The following DCC variants were observed in gnomAD, a reference collection of about 807,000 sequenced individuals.
The protein encoded by DCC is DCC netrin 1 receptor, also known as netrin receptor DCC.
DCC carries 58 observed loss-of-function variants against 172.5 expected under a neutral mutation model. The observed-to-expected ratio is 0.34, with a 90% CI of 0.27 to 0.42. The LOEUF (loss-of-function observed/expected upper bound fraction) is 0.42, where lower values mean the gene tolerates loss of function less well. Ranked by LOEUF, DCC falls within the 10% of genes least tolerant of loss-of-function variation. The pLI is 1.00. For missense variants in DCC, 1,740 were observed against 1,791.0 expected (o/e 0.97, Z 0.51); for synonymous variants, 709 against 644.5 (o/e 1.10, Z -1.52).
intron 15 of DCC, among the ~76,000 whole-genome samples, chr18:53,379,291 G>A (rs889525240): frequency 2.6e-5 from 4 of 152,246 alleles, no homozygotes; most frequent in African/African-American, 4.8e-5. Context: ...AGTGGGCCCC[G>A]ACAAGAACTT....
chr18:52,630,789 A>G (rs1204955869), intron 1 of DCC, among the ~76,000 whole-genome samples: 2 of 152,192 alleles, frequency 1.3e-5, no homozygotes, highest in Non-Finnish European at 2.9e-5. Context: ...ACACTTAAAC[A>G]TTACTCCTTT....
chr18:52,935,111 C>T (rs2040362989), intron 5 of DCC, among the ~76,000 whole-genome samples: 1 of 152,048 alleles, frequency 6.6e-6, no homozygotes, highest in African/African-American at 2.4e-5. Flanking sequence ...ACAATGAAGA[C>T]TTATATTATC....
intron 1 of DCC, among the ~76,000 whole-genome samples, chr18:52,366,031 C>G (rs1984833697): frequency 6.6e-6 from 1 of 152,132 alleles, no homozygotes; most frequent in Admixed American, 6.5e-5. Flanking sequence ...CTTCTTACAA[C>G]TCTATATATT....
chr18:52,404,943 G>C (rs1191434773), intron 1 of DCC, among the ~76,000 whole-genome samples: 1 of 151,510 alleles, frequency 6.6e-6, no homozygotes, highest in Admixed American at 6.6e-5. Flanking sequence ...ACAGTTTACT[G>C]AGAATGATGA....
chr18:52,389,259 T>C (rs1390260664), intron 1 of DCC, among the ~76,000 whole-genome samples: 1 of 152,128 alleles, frequency 6.6e-6, no homozygotes, highest in Non-Finnish European at 1.5e-5. Flanking sequence ...AAGTCCTACC[T>C]GCCAAATAAT....
intron 15 of DCC, among the ~76,000 whole-genome samples, chr18:53,371,331 A>G (rs958995129): frequency 6.6e-6 from 1 of 152,000 alleles, no homozygotes; most frequent in African/African-American, 2.4e-5. Context: ...GGGCTAGTTC[A>G]TCTTGTCAGA....
At chr18:52,761,343 T>G (rs1367715596) in intron 2 of DCC, among the ~76,000 whole-genome samples, 1 of 152,188 alleles carries the variant, frequency 6.6e-6, no homozygotes, top group Non-Finnish European at 1.5e-5. Flanking sequence ...AATTCAAGAT[T>G]AGATTTTGGT....
chr18:53,378,718 T>G (rs1907495656), intron 15 of DCC, among the ~76,000 whole-genome samples: 1 of 152,202 alleles, frequency 6.6e-6, no homozygotes, highest in Admixed American at 6.5e-5. Context: ...CCTGATTTTC[T>G]TCCCGGTAAT....
chr18:53,498,391 G>GA (rs1226862575), intron 26 of DCC, among the ~76,000 whole-genome samples: 12 of 152,036 alleles, frequency 7.9e-5, no homozygotes, highest in Non-Finnish European at 1.5e-4. Context: ...TAAGTCATCA[G>GA]AAAAAATATT....
chr18:53,430,941 A>AT (rs1434071749), intron 21 of DCC, among the ~76,000 whole-genome samples: 4 of 152,176 alleles, frequency 2.6e-5, no homozygotes, highest in African/African-American at 7.2e-5. Flanking sequence ...CCAAAAAGGG[A>AT]TAAAAAGAAG....
At position 52,669,348 on chromosome 18, in the gene DCC, A is replaced by G. The variant is rs568586269; in HGVS notation, c.92-82706A>G. Among the ~76,000 whole-genome samples the G allele has an allele frequency of 3.9e-5, 6 of 152,284 alleles. No individual in the cohort carries two copies. The South Asian group carries it at 1.0e-3, about 26-fold the overall frequency. On this transcript the variant is annotated intron_variant, in intron 1 of 28. Coordinates refer to ENST00000442544, the MANE Select transcript of DCC (RefSeq NM_005215.4). ...GCAGGACTCCTAAACCATAATTTCT[A>G]ATCTTGTGGCTAATTTGTTATTCCT...
intron 2 of DCC, among the ~76,000 whole-genome samples, chr18:52,766,922 G>A (rs1205016917): frequency 6.6e-6 from 1 of 151,838 alleles, no homozygotes; most frequent in Non-Finnish European, 1.5e-5. Flanking sequence ...CAATAAGTGA[G>A]GCTTTATGAA....
intron 2 of DCC, among the ~76,000 whole-genome samples, chr18:52,825,439 C>T (rs562117643): frequency 1.3e-5 from 2 of 152,214 alleles, no homozygotes; most frequent in South Asian, 4.1e-4. Flanking sequence ...AAACCTGCAC[C>T]TAACATGTGG....
At chr18:52,939,997 G>A (rs1342118122) in intron 5 of DCC, among the ~76,000 whole-genome samples, 2 of 152,108 alleles carry the variant, frequency 1.3e-5, no homozygotes, top group Non-Finnish European at 2.9e-5. Context: ...CATCATCCAT[G>A]AGCCTCTTAG....
At chr18:52,795,530 A>T (rs1048004100) in intron 2 of DCC, among the ~76,000 whole-genome samples, 1 of 151,878 alleles carries the variant, frequency 6.6e-6, no homozygotes, top group Non-Finnish European at 1.5e-5. Flanking sequence ...GCAGTTTAAA[A>T]ATTTTACCTT....
intron 17 of DCC, among the ~76,000 whole-genome samples, chr18:53,393,153 G>C (rs1026279725): frequency 1.6e-5 from 1 of 62,984 alleles, no homozygotes; most frequent in Admixed American, 1.3e-4. Flanking sequence ...AATATTTCGA[G>C]GATGTTTTTT....
intron 1 of DCC, among the ~76,000 whole-genome samples, chr18:52,481,057 A>G (rs2029938940): frequency 6.6e-6 from 1 of 152,210 alleles, no homozygotes; most frequent in African/African-American, 2.4e-5. Flanking sequence ...TCATCTACTC[A>G]TTTCATATAT....
chr18:52,853,973 T>G (rs2039015268), intron 2 of DCC, among the ~76,000 whole-genome samples: 1 of 152,228 alleles, frequency 6.6e-6, no homozygotes, highest in Non-Finnish European at 1.5e-5. Flanking sequence ...ATTCCCACTC[T>G]ACAGATCATT....
intron 7 of DCC, among the ~76,000 whole-genome samples, chr18:53,136,132 T>C (rs778823578): frequency 6.6e-6 from 1 of 151,946 alleles, no homozygotes; most frequent in African/African-American, 2.4e-5. Flanking sequence ...AAAAAAAAAT[T>C]GGATGTGTGT....
Sources: allele counts gnomAD v4.1 joint callset (sites outside exome capture counted in the v4.1 genomes callset), GRCh38; gene constraint gnomAD v4.1.1; transcripts MANE v1.5; gene names NCBI Gene and HGNC (gene_info 2026-07-23, HGNC 2026-07-21).